The following EDARADD variants were observed in gnomAD, a reference collection of about 807,000 sequenced individuals.
EDARADD encodes ectodysplasin-A receptor-associated adapter protein.
EDARADD carries 20 observed loss-of-function variants against 25.6 expected under a neutral mutation model. The ratio of observed to expected loss-of-function variants is 0.78; its 90% CI spans 0.55 to 1.14. The LOEUF (loss-of-function observed/expected upper bound fraction) is 1.14. Ranked by LOEUF, EDARADD falls within the 50% of genes most tolerant of loss-of-function variation. The pLI, the probability that EDARADD is intolerant of heterozygous loss-of-function variation, is 0.00. For synonymous variants in EDARADD, 86 were observed against 94.4 expected, an observed-to-expected ratio of 0.91 and a Z score of 0.52; for missense variants, 225 against 270.1, an observed-to-expected ratio of 0.83 and a Z score of 1.17.
At chr1:236,361,965 A>G (rs574811437) in intron 3 of EDARADD, among the ~76,000 whole-genome samples, 1 of 152,176 alleles carries the variant, frequency 6.6e-6, no homozygotes, top group Non-Finnish European at 1.5e-5. Context: ...CGTATGTTTA[A>G]CATTTTAAGA....
chr1:236,472,410 G>A (rs1294821663), intron 5 of EDARADD, among the ~76,000 whole-genome samples: 6 of 152,144 alleles, frequency 3.9e-5, no homozygotes, highest in African/African-American at 1.4e-4. Context: ...CTAATTAATC[G>A]GGATCTCCGA....
chr1:236,351,992 T>A (rs1011709498), intron 3 of EDARADD, among the ~76,000 whole-genome samples: 2 of 151,960 alleles, frequency 1.3e-5, no homozygotes, highest in Non-Finnish European at 2.9e-5. Context: ...GGGTGTGTGT[T>A]TGGTATGTTA....
At position 236,395,420 on chromosome 1, in the gene EDARADD, G is replaced by A; in HGVS notation, c.61+915G>A. 1.4e-6 allele frequency: 2 copies of A among 1,447,124 alleles called. No homozygotes were observed. Among genetic ancestry groups the A allele is most frequent in the South Asian group, 2.8e-5 (2 of 71,142 alleles). The allele number at this position is 1,447,124 out of a possible 1,614,324, so 89.6% of individuals were successfully genotyped here. A position where few individuals can be genotyped will look rare whatever the true frequency, so the allele number is the denominator to read the frequency against. On this transcript the variant is annotated intron_variant, in intron 1 of 5. Coordinates refer to ENST00000334232, the MANE Select transcript of EDARADD (RefSeq NM_145861.4). The surrounding 1 kb of genome is among the most constrained non-coding windows in gnomAD (Gnocchi z 6.9). ...GCGCAGCGAAGGGGCTTTGCTAATT[G>A]CCAAAGCAGGAAGTGAGCTCGTGGA...
At position 236,386,049 on chromosome 1, in the gene EDARADD, G is replaced by T. The variant is rs1398723628; in HGVS notation, c.-5-23167G>T. On this transcript the variant is annotated intron_variant, in intron 3 of 7. Coordinates refer to the EDARADD transcript ENST00000439430. Reference sequence around the variant, plus strand: ...CCTGATTCTCCTGCCTCAGTCTGCCGAATGCCTGCAATTGCAGGCACGCGC... The same window carrying T: ...CCTGATTCTCCTGCCTCAGTCTGCCTAATGCCTGCAATTGCAGGCACGCGC... 9.0e-5 allele frequency among the ~76,000 whole-genome samples: 3 copies of T among 33,456 alleles called. 1 individual carries two copies. The highest frequency in any genetic ancestry group is 2.5e-4 in the African/African-American group (3 of 11,930). 21.9% of individuals were successfully genotyped at this position (33,456 alleles called of 152,430 possible). A position where few individuals can be genotyped will look rare whatever the true frequency, so the allele number is the denominator to read the frequency against.
intron 4 of EDARADD, among the ~76,000 whole-genome samples, chr1:236,455,299 C>A (rs981572947): frequency 6.6e-6 from 1 of 152,080 alleles, no homozygotes; most frequent in African/African-American, 2.4e-5. Flanking sequence ...GCTCACCAGA[C>A]TCTCTGCAGA....
intron 5 of EDARADD, among the ~76,000 whole-genome samples, chr1:236,477,892 C>T (rs781427929): frequency 1.3e-5 from 2 of 152,048 alleles, no homozygotes; most frequent in Non-Finnish European, 2.9e-5. Context: ...CACTTGAGCT[C>T]AGGAGTTTGA....
At chr1:236,411,436 G>A (rs55856169) in intron 2 of EDARADD, among the ~76,000 whole-genome samples, 4,365 of 152,086 alleles carry the variant, frequency 0.029, 143 homozygotes, top group African/African-American at 0.085. Flanking sequence ...GCATCACTCC[G>A]TTCTCTCACT....
chr1:236,373,450 C>G (rs1667193912), intron 3 of EDARADD, among the ~76,000 whole-genome samples: 2 of 152,212 alleles, frequency 1.3e-5, no homozygotes, highest in Non-Finnish European at 2.9e-5. Flanking sequence ...AAATGAATCA[C>G]CTGCCTTGGC....
chr1:236,434,041 G>T (rs1247980775), intron 4 of EDARADD, among the ~76,000 whole-genome samples: 1 of 152,084 alleles, frequency 6.6e-6, no homozygotes, highest in African/African-American at 2.4e-5. Flanking sequence ...ATGGTCAATG[G>T]CAGCACGGTA....
intron 3 of EDARADD, among the ~76,000 whole-genome samples, chr1:236,358,972 G>A (rs1279685098): frequency 1.3e-5 from 2 of 152,178 alleles, no homozygotes; most frequent in East Asian, 3.8e-4. Context: ...ATAGTTGGGT[G>A]TTAAAGTCTC....
chr1:236,409,431 A>G lies in EDARADD; in HGVS notation c.120+157A>G, dbSNP rs1317432246. On this transcript the variant is annotated intron_variant, in intron 2 of 5. Coordinates refer to ENST00000334232, the MANE Select transcript of EDARADD (RefSeq NM_145861.4). Reference sequence around the variant, plus strand: ...CTGCTTTATCTTGGTATTCTACGTGATAATAATAAACTTTGGGTTTCTCCA... The same window carrying G: ...CTGCTTTATCTTGGTATTCTACGTGGTAATAATAAACTTTGGGTTTCTCCA... Among the ~76,000 whole-genome samples the G allele has an allele frequency of 2.6e-5, 4 of 152,310 alleles. No individual in the cohort carries two copies. In the East Asian group the frequency reaches 7.7e-4, roughly 29 times the overall value.
intron 4 of EDARADD, among the ~76,000 whole-genome samples, chr1:236,455,086 T>G (rs1426677295): frequency 6.6e-6 from 1 of 152,082 alleles, no homozygotes; most frequent in African/African-American, 2.4e-5. Flanking sequence ...GGCGGGCGCC[T>G]GTAGTCCCAG....
At chr1:236,372,589 G>A (rs989668286) in intron 3 of EDARADD, among the ~76,000 whole-genome samples, 1 of 152,158 alleles carries the variant, frequency 6.6e-6, no homozygotes, top group African/African-American at 2.4e-5. Context: ...CATAGAATGA[G>A]TTAGGTTCCC....
chr1:236,371,268 A>G (rs1394244167), intron 3 of EDARADD, among the ~76,000 whole-genome samples: 2 of 152,224 alleles, frequency 1.3e-5, no homozygotes, highest in Non-Finnish European at 1.5e-5. Flanking sequence ...TTGTATATTA[A>G]TGTTGGATTC....
At position 236,483,033 on chromosome 1, in the gene EDARADD, T is replaced by C. The variant is rs1349834074; in HGVS notation, c.*384T>C. 1 of 650,664 alleles carries C rather than the reference T, an allele frequency of 1.5e-6. No individual in the cohort carries two copies. Among genetic ancestry groups the C allele is most frequent in the African/African-American group, 1.8e-5 (1 of 55,182 alleles). 40.3% of individuals were successfully genotyped at this position (650,664 alleles called of 1,614,324 possible). Reference sequence around the variant, plus strand: ...CCCCAGACATACCCACAGCATTATATGTAACATCTCTCCTGATCAGTGCCA... The same window carrying C: ...CCCCAGACATACCCACAGCATTATACGTAACATCTCTCCTGATCAGTGCCA... On this transcript the variant is annotated 3_prime_UTR_variant, in exon 6 of 6. Transcript: ENST00000334232.
rs1320730352 is a variant in EDARADD, at chr1:236,483,936, G to A, written c.*1287G>A. The stretch of plus-strand genomic sequence containing the variant: ...CGAGTTCTTCAGGTCTGGAAAGTAT[G>A]ACCTGGAATTCAAGTTTCTCGACGA... On this transcript the variant is annotated 3_prime_UTR_variant, in exon 6 of 6. Coordinates refer to ENST00000334232, the MANE Select transcript of EDARADD (RefSeq NM_145861.4). The A allele has an allele frequency of 1.5e-6, 2 of 1,373,324 alleles. No individual in the cohort carries two copies. Among genetic ancestry groups the A allele is most frequent in the Non-Finnish European group, 2.1e-6 (2 of 963,324 alleles). 85.1% of individuals were successfully genotyped at this position (1,373,324 alleles called of 1,614,324 possible). A position where few individuals can be genotyped will look rare whatever the true frequency, so the allele number is the denominator to read the frequency against.
At chr1:236,382,945 C>G (rs1462407499) in intron 3 of EDARADD, among the ~76,000 whole-genome samples, 1 of 152,078 alleles carries the variant, frequency 6.6e-6, no homozygotes, top group Non-Finnish European at 1.5e-5. Flanking sequence ...TTCTATAGAT[C>G]TCTTAGGATC....
At chr1:236,439,594 G>A (rs753016530) in intron 4 of EDARADD, among the ~76,000 whole-genome samples, 1 of 152,146 alleles carries the variant, frequency 6.6e-6, no homozygotes, top group Non-Finnish European at 1.5e-5. Flanking sequence ...GTATTTCTTT[G>A]ATGATATACG....
intron 4 of EDARADD, among the ~76,000 whole-genome samples, chr1:236,441,626 C>A (rs906000374): frequency 1.3e-5 from 2 of 150,834 alleles, no homozygotes; most frequent in Non-Finnish European, 3.0e-5. Flanking sequence ...TGGGTTCAAG[C>A]GATTCTCCTG....
Sources: gnomAD v4.1 joint callset for allele counts (sites outside exome capture counted in the v4.1 genomes callset) on GRCh38, gnomAD v4.1.1 for gene constraint, Gnocchi (gnomAD v3.1) non-coding constraint, MANE v1.5 for transcripts, NCBI Gene and HGNC (gene_info 2026-07-23, HGNC 2026-07-21) for gene names.